Variants in CHD9 observed in about 807,000 individuals in gnomAD.
CHD9 encodes ATP-dependent chromatin remodeler CHD9.
CHD9 carries 77 observed loss-of-function variants against 316.1 expected under a neutral mutation model. The ratio of observed to expected loss-of-function variants is 0.24; its 90% confidence interval spans 0.20 to 0.29. The LOEUF (loss-of-function observed/expected upper bound fraction) is 0.29. Among genes scored for constraint, CHD9 ranks in the 10% least tolerant of loss-of-function variants. The probability of loss-of-function intolerance (pLI) is 1.00; values close to 1 mark genes in which losing one functional copy is unlikely to be tolerated. For synonymous variants in CHD9, 1,129 were observed against 1,158.3 expected, an observed-to-expected ratio of 0.97 and a Z score of 0.51; for missense variants, 2,763 against 3,438.1, an observed-to-expected ratio of 0.80 and a Z score of 4.91.
At chr16:53,173,756 G>C (rs1019069498) in intron 2 of CHD9, among the ~76,000 whole-genome samples, 8 of 151,926 alleles carry the variant, frequency 5.3e-5, no homozygotes, top group African/African-American at 1.9e-4. Flanking sequence ...GTGTTAGCCA[G>C]GATGGTCTCG....
At chr16:53,062,579 A>C (rs760899746) in intron 1 of CHD9, among the ~76,000 whole-genome samples, 7 of 152,052 alleles carry the variant, frequency 4.6e-5, no homozygotes, top group Non-Finnish European at 1.0e-4. Flanking sequence ...CCATCTCTAC[A>C]AAACATTTTA....
At position 53,268,149 on chromosome 16, in the gene CHD9, T is replaced by C. The variant is rs542934929; in HGVS notation, c.4717+23T>C. 6 of 1,505,870 alleles carry C rather than the reference T, an allele frequency of 4.0e-6. No individual in the cohort carries two copies. The South Asian group carries it at 5.0e-5, about 12-fold the overall frequency. The allele number at this position is 1,505,870 out of a possible 1,614,324, so 93.3% of individuals were successfully genotyped here. ...TAGGTAAGAACATTGTTTCATTTGC[T>C]TTTAAAATTTATTTTTAGTTATATA... On this transcript the variant is annotated intron_variant, in intron 22 of 38. Coordinates refer to ENST00000447540, the MANE Select transcript of CHD9 (RefSeq NM_001308319.2).
chr16:53,130,017 C>T (rs1454765654), intron 1 of CHD9, among the ~76,000 whole-genome samples: 2 of 152,210 alleles, frequency 1.3e-5, no homozygotes, highest in Non-Finnish European at 2.9e-5. Flanking sequence ...CACCCTCCCC[C>T]ACGGCTGTCT....
At chr16:53,104,547 G>T in intron 1 of CHD9, among the ~76,000 whole-genome samples, 1 of 152,048 alleles carries the variant, frequency 6.6e-6, no homozygotes, top group East Asian at 1.9e-4. Flanking sequence ...GCAGTGGCTC[G>T]TGCCTGTAAT....
At chr16:53,293,781 T>C (rs2054550784) in intron 29 of CHD9, among the ~76,000 whole-genome samples, 1 of 151,786 alleles carries the variant, frequency 6.6e-6, no homozygotes, top group Non-Finnish European at 1.5e-5. Context: ...CAAAACCCCA[T>C]CTCTACTAAA....
chr16:53,231,871 CTTTCA>C (rs1391847483), intron 10 of CHD9, 87 bp downstream of exon 10: 16 of 1,225,614 alleles, frequency 1.3e-5, no homozygotes, highest in Non-Finnish European at 1.6e-5. Context: ...TAATGTTTTA[CTTTCA>C]TTTCTTTTAA....
At chr16:53,322,752 AG>A (rs556065439) in intron 38 of CHD9, among the ~76,000 whole-genome samples, 20 of 152,288 alleles carry the variant, frequency 1.3e-4, no homozygotes, top group Admixed American at 9.2e-4. Context: ...CCAAATGGAA[AG>A]GGCAGGCTAT....
intron 1 of CHD9, among the ~76,000 whole-genome samples, chr16:53,059,632 G>C (rs117721761): frequency 6.6e-6 from 1 of 152,100 alleles, no homozygotes; most frequent in Non-Finnish European, 1.5e-5. Flanking sequence ...TCTGGGCATC[G>C]GCCTCCCCAC....
In CHD9 at chr16:53,209,567, A is replaced by G. The variant is rs545236467; in HGVS notation, c.1538A>G (p.Gln513Arg). The change falls in exon 3 of 39, where the codon CAG becomes CGG. Residue 513 changes from glutamine (Q) to arginine (R), a missense_variant. Physicochemically the swap from Gln to Arg is conservative, Grantham distance 43. Around this residue, in one of 15 missense-constraint regions of CHD9, gnomAD observed 859 missense variants for 890.4 expected, o/e 0.96. Transcript: ENST00000447540. ...GTGAGGGTCATGTCTGAGAAGAAGC[A>G]GAGAAAAAAGGTGGAATCAGAAAGC... is the stretch of plus-strand genomic sequence containing the variant. ...TQVRVMSEKK[Q>R]RKKVESESKQ... is the part of the protein sequence containing the mutation. 25 of 1,613,862 alleles carry G rather than the reference A, an allele frequency of 1.5e-5. No homozygotes were observed. Among genetic ancestry groups the G allele is most frequent in the Middle Eastern group, 1.6e-4 (1 of 6,062 alleles).
At position 53,249,992 on chromosome 16, in the gene CHD9, T is replaced by C; in HGVS notation, c.3787T>C (p.Leu1263=). 6.2e-7 allele frequency: 1 copy of C among 1,613,878 alleles called. No homozygotes were observed. The highest frequency in any genetic ancestry group is 1.1e-5 in the South Asian group (1 of 91,080). ...VFLLCTRAGG[L]GINLTAADTC... ...TCTCCTGTGTACCCGAGCTGGTGGG[T>C]TGGGCATCAACTTAACTGCAGCTGA... Residue 1263 remains leucine (L), a synonymous_variant, in exon 17 of 39, where the codon TTG becomes CTG. Coordinates refer to ENST00000447540, the MANE Select transcript of CHD9 (RefSeq NM_001308319.2).
intron 37 of CHD9, chr16:53,319,686 T>C (rs541708937): frequency 3.1e-6 from 1 of 317,860 alleles, no homozygotes; most frequent in Non-Finnish European, 5.1e-6. Flanking sequence ...ACAATTTGAA[T>C]TTTTACCTGT....
chr16:53,323,479 C>T (rs1256276294), intron 38 of CHD9, among the ~76,000 whole-genome samples: 1 of 152,168 alleles, frequency 6.6e-6, no homozygotes, highest in East Asian at 1.9e-4. Flanking sequence ...CTTTATGGTT[C>T]CCAATCTGCA....
At chr16:53,247,051 G>A (rs2049695095) in intron 15 of CHD9, among the ~76,000 whole-genome samples, 1 of 152,190 alleles carries the variant, frequency 6.6e-6, no homozygotes, top group Admixed American at 6.5e-5. Flanking sequence ...AAGGCATTAT[G>A]CCAGGTATCT....
At chr16:53,149,662 C>T (rs1417389870) in intron 1 of CHD9, among the ~76,000 whole-genome samples, 4 of 151,152 alleles carry the variant, frequency 2.6e-5, no homozygotes, top group Non-Finnish European at 5.9e-5. Flanking sequence ...GATCCTCCAG[C>T]CTCAGCCTCC....
rs759452876 is a variant in CHD9 at position 53,156,245 on chromosome 16, A to T, written c.156A>T (p.Ser52=). Residue 52 remains serine (S), a synonymous_variant, in exon 2 of 39, where the codon TCA becomes TCT. Coordinates refer to ENST00000447540, the MANE Select transcript of CHD9 (RefSeq NM_001308319.2). ...GAEFEPLHID[S]LNHVQGTPTH... ...AATTTGAACCGTTGCACATAGATTC[A>T]CTGAACCATGTTCAAGGTACTCCAA... 6.2e-7 allele frequency: 1 copy of T among 1,614,014 alleles called. No individual in the cohort carries two copies. The highest frequency in any genetic ancestry group is 1.1e-5 in the South Asian group (1 of 91,084).
chr16:53,084,610 G>T (rs929321948), intron 1 of CHD9, among the ~76,000 whole-genome samples: 41 of 152,200 alleles, frequency 2.7e-4, no homozygotes, highest in African/African-American at 9.9e-4. Flanking sequence ...GGGCGTGGTG[G>T]TAGGCGCCTG....
At chr16:53,295,443 T>G (rs2054693096) in intron 29 of CHD9, among the ~76,000 whole-genome samples, 1 of 152,204 alleles carries the variant, frequency 6.6e-6, no homozygotes, top group South Asian at 2.1e-4. Flanking sequence ...ATTAATTTTT[T>G]TAACCAGTCT....
chr16:53,292,965 T>C lies in CHD9; in HGVS notation c.5423T>C (p.Phe1808Ser). ...NRQIQQIQPT[F>S]SVPTSVMQPI... ...CAAATTCAGCAGATACAACCGACTT[T>C]CTCGGTGCCTACCAGTGTAATGCAG... The change falls in exon 29 of 39, where the codon TTC becomes TCC. Residue 1808 changes from phenylalanine (F) to serine (S), a missense_variant. By Grantham distance (155) the Phe-to-Ser change is radical. Around this residue, in one of 15 missense-constraint regions of CHD9, gnomAD observed 183 missense variants for 258.5 expected, o/e 0.71. Transcript: ENST00000447540. The C allele has an allele frequency of 9.9e-6, 16 of 1,613,878 alleles. No homozygotes were observed. Among genetic ancestry groups the C allele is most frequent in the Non-Finnish European group, 1.4e-5 (16 of 1,179,830 alleles).
At chr16:53,292,088 T>C (rs2054388865) in intron 28 of CHD9, among the ~76,000 whole-genome samples, 1 of 152,200 alleles carries the variant, frequency 6.6e-6, no homozygotes, top group South Asian at 2.1e-4. Context: ...ATTCTATGTG[T>C]ACATTAAGAG....
Sources: gnomAD v4.1 joint callset for allele counts (sites outside exome capture counted in the v4.1 genomes callset) on GRCh38, gnomAD v4.1.1 for gene constraint, gnomAD v4.1.1 regional missense constraint, MANE v1.5 for transcripts, NCBI Gene and HGNC (gene_info 2026-07-23, HGNC 2026-07-21) for gene names.